Variants in DENND1B observed in about 807,000 individuals in gnomAD.
DENND1B encodes the protein DENN domain containing 1B.
A neutral mutation model predicts 90.1 loss-of-function variants in DENND1B; 59 were observed. That is an observed-to-expected ratio of 0.65 (90% CI 0.53 to 0.81). The LOEUF is 0.81. Ranked by LOEUF, DENND1B falls within the 40% of genes least tolerant of loss-of-function variation. The probability of loss-of-function intolerance (pLI) is 0.00; values close to 1 mark genes in which losing one functional copy is unlikely to be tolerated. For missense variants in DENND1B, 862 were observed against 912.6 expected (o/e 0.94, Z 0.71); for synonymous variants, 337 against 324.6 (o/e 1.04, Z -0.41).
rs79040895 is a variant in DENND1B, at chr1:197,612,841, C to T, written c.774-865G>A. 5.9e-3 allele frequency among the ~76,000 whole-genome samples: 893 copies of T among 150,544 alleles called. 12 individuals carry two copies. Among genetic ancestry groups the T allele is most frequent in the African/African-American group, 0.02 (836 of 41,278 alleles). On this transcript the variant is annotated intron_variant, in intron 11 of 22. Coordinates refer to ENST00000620048, the MANE Select transcript of DENND1B (RefSeq NM_001195215.2). ...ATATAGATGTTAAATTTTTAATACACAGAATAAGAATTGCTGGTTATTTCA... is the reference window on the plus strand; with the variant it reads ...ATATAGATGTTAAATTTTTAATACATAGAATAAGAATTGCTGGTTATTTCA...
intron 13 of DENND1B, among the ~76,000 whole-genome samples, chr1:197,603,730 C>T (rs959250667): frequency 6.6e-6 from 1 of 150,866 alleles, no homozygotes; most frequent in Admixed American, 6.6e-5. Flanking sequence ...ATAGTAACAA[C>T]CTCCAAATTG....
chr1:197,695,620 A>G (rs930474384), intron 3 of DENND1B, among the ~76,000 whole-genome samples: 2 of 151,018 alleles, frequency 1.3e-5, no homozygotes, highest in African/African-American at 4.8e-5. Context: ...TACATATCAA[A>G]AATTGGTTCA....
At chr1:197,582,859 G>A (rs1039166287) in intron 15 of DENND1B, among the ~76,000 whole-genome samples, 5 of 152,104 alleles carry the variant, frequency 3.3e-5, no homozygotes, top group Non-Finnish European at 7.4e-5. Context: ...CTTCTAAGAT[G>A]CCTTGTATAA....
intron 2 of DENND1B, among the ~76,000 whole-genome samples, chr1:197,763,445 G>A (rs1292838339): frequency 1.3e-5 from 2 of 151,996 alleles, no homozygotes; most frequent in African/African-American, 2.4e-5. Context: ...ACCTTTATCA[G>A]TTTAACAATC....
intron 10 of DENND1B, among the ~76,000 whole-genome samples, chr1:197,624,640 A>C (rs1209106187): frequency 2.0e-5 from 3 of 151,904 alleles, no homozygotes; most frequent in African/African-American, 7.2e-5. Context: ...ACAGTTCCTC[A>C]CCAGCAACGG....
chr1:197,540,523 C>A (rs1251046992), intron 19 of DENND1B, among the ~76,000 whole-genome samples: 1 of 152,042 alleles, frequency 6.6e-6, no homozygotes, highest in Non-Finnish European at 1.5e-5. Context: ...TAAATACATA[C>A]ATAATATTTT....
In DENND1B at chr1:197,728,250, C is replaced by T. The variant is rs368576177; in HGVS notation, c.83-13176G>A. 3.3e-5 allele frequency among the ~76,000 whole-genome samples: 5 copies of T among 152,278 alleles called. No homozygotes were observed. In the East Asian group the frequency reaches 7.7e-4, roughly 23 times the overall value. On this transcript the variant is annotated intron_variant, in intron 2 of 22. Coordinates refer to ENST00000620048, the MANE Select transcript of DENND1B (RefSeq NM_001195215.2). Reference sequence around the variant, plus strand: ...CTGTTCTGGTTGAAAACTACTGCCACAAATCTTTCTGTAAAGAAATTTTTC... The same window carrying T: ...CTGTTCTGGTTGAAAACTACTGCCATAAATCTTTCTGTAAAGAAATTTTTC...
intron 14 of DENND1B, among the ~76,000 whole-genome samples, chr1:197,592,568 G>A (rs1237509910): frequency 2.0e-5 from 3 of 152,090 alleles, no homozygotes; most frequent in Admixed American, 6.6e-5. Context: ...GGAACTAGAC[G>A]GCTATTAAAA....
intron 10 of DENND1B, among the ~76,000 whole-genome samples, chr1:197,638,284 CTG>C: frequency 6.6e-6 from 1 of 152,204 alleles, no homozygotes; most frequent in East Asian, 1.9e-4. Context: ...AATCAAATCT[CTG>C]TAACTAATAT....
chr1:197,684,726 A>G (rs573413568), intron 3 of DENND1B, among the ~76,000 whole-genome samples: 15 of 152,360 alleles, frequency 9.8e-5, no homozygotes, highest in South Asian at 2.1e-4. Context: ...CAGTAAAAAC[A>G]TATATTTAAC....
chr1:197,731,185 T>A (rs150042810), intron 2 of DENND1B, among the ~76,000 whole-genome samples: 1 of 152,048 alleles, frequency 6.6e-6, no homozygotes. Context: ...TAAAACAGAT[T>A]AGCAAAGAAC....
intron 10 of DENND1B, among the ~76,000 whole-genome samples, chr1:197,641,589 T>C (rs1364946592): frequency 6.6e-6 from 1 of 152,164 alleles, no homozygotes; most frequent in Non-Finnish European, 1.5e-5. Context: ...CTCAAAATCG[T>C]ATTTTTGAGA....
At chr1:197,763,021 G>A (rs1315965643) in intron 2 of DENND1B, among the ~76,000 whole-genome samples, 2 of 152,094 alleles carry the variant, frequency 1.3e-5, no homozygotes, top group African/African-American at 4.8e-5. Flanking sequence ...ACCTTGTAAA[G>A]ACATCTGCCA....
chr1:197,687,446 T>A (rs942437), intron 3 of DENND1B, among the ~76,000 whole-genome samples: 4,434 of 152,274 alleles, frequency 0.029, 235 homozygotes, highest in African/African-American at 0.1. Flanking sequence ...TAAAACACAT[T>A]ATGTCTAAGA....
intron 3 of DENND1B, among the ~76,000 whole-genome samples, chr1:197,694,509 C>T (rs986146144): frequency 6.6e-6 from 1 of 151,320 alleles, no homozygotes; most frequent in African/African-American, 2.4e-5. Flanking sequence ...TGTTTTTTCT[C>T]CCGACTTCAG....
chr1:197,588,113 G>A (rs1043732718), intron 14 of DENND1B, among the ~76,000 whole-genome samples: 1 of 152,168 alleles, frequency 6.6e-6, no homozygotes, highest in African/African-American at 2.4e-5. Flanking sequence ...GGGAGCTGGG[G>A]ATCCCTGCCC....
intron 2 of DENND1B, among the ~76,000 whole-genome samples, chr1:197,755,290 C>T (rs1291455434): frequency 6.6e-6 from 1 of 151,980 alleles, no homozygotes; most frequent in Admixed American, 6.6e-5. Context: ...ATATAGCCTA[C>T]CAAAAGATAG....
chr1:197,605,012 T>G (rs1326562694), intron 13 of DENND1B, among the ~76,000 whole-genome samples: 1 of 151,162 alleles, frequency 6.6e-6, no homozygotes, highest in Non-Finnish European at 1.5e-5. Context: ...CCTAGCTCCA[T>G]CTCAGAACTA....
intron 2 of DENND1B, among the ~76,000 whole-genome samples, chr1:197,718,989 T>C (rs936327470): frequency 6.6e-6 from 1 of 151,826 alleles, no homozygotes; most frequent in South Asian, 2.1e-4. Context: ...GAGAAGAGGG[T>C]GTATCTAAAA....
Sources: gnomAD v4.1 joint callset for allele counts (sites outside exome capture counted in the v4.1 genomes callset) on GRCh38, gnomAD v4.1.1 for gene constraint, MANE v1.5 for transcripts, NCBI Gene and HGNC (gene_info 2026-07-23, HGNC 2026-07-21) for gene names.